PCDHA5: variants seen among roughly 807,000 people sequenced by gnomAD.
PCDHA5 encodes protocadherin alpha 5, also known as protocadherin alpha-5.
Under a neutral mutation model 61.6 loss-of-function variants are expected in PCDHA5, and 43 were observed. The ratio of observed to expected loss-of-function variants is 0.70; its 90% CI spans 0.55 to 0.90. PCDHA5 has a LOEUF of 0.90. Ranked by LOEUF, PCDHA5 falls within the 40% of genes least tolerant of loss-of-function variation. The pLI is 0.00. For synonymous variants in PCDHA5, 627 were observed against 543.9 expected (o/e 1.15, Z -2.13); for missense variants, 1,298 against 1,222.7 (o/e 1.06, Z -0.92).
chr5:140,906,827 G>C (rs2153497509), intron 1 of PCDHA5, among the ~76,000 whole-genome samples: 1 of 152,308 alleles, frequency 6.6e-6, no homozygotes, highest in South Asian at 2.1e-4. Flanking sequence ...TGGAGTAGTA[G>C]ACTGATTTCA....
intron 1 of PCDHA5, chr5:140,875,216 A>G: frequency 1.4e-6 from 1 of 717,612 alleles, no homozygotes. Flanking sequence ...ACCGAAAAGA[A>G]CCTCAGGATC....
chr5:140,969,147 A>G (rs781909774), intron 1 of PCDHA5: 1 of 1,614,172 alleles, frequency 6.2e-7, no homozygotes, highest in Non-Finnish European at 8.5e-7. Flanking sequence ...TACTGCTACA[A>G]GGCCTGTCTG....
chr5:140,973,556 C>A lies in PCDHA5; in HGVS notation c.2353-5393C>A, dbSNP rs993191449. Among the ~76,000 whole-genome samples the A allele has an allele frequency of 3.9e-5, 6 of 152,336 alleles. 1 individual carries two copies. In the South Asian group the frequency reaches 1.2e-3, roughly 32 times the overall value. ...ATACAATAATTTATTTCAATTACCT[C>A]TTTCCTCAATTTTTCTACAGACTGC... On this transcript the variant is annotated intron_variant, in intron 1 of 3. Coordinates refer to ENST00000529859, the MANE Select transcript of PCDHA5 (RefSeq NM_018908.3).
At chr5:140,836,762 C>T (rs2150269461) in intron 1 of PCDHA5, 3 of 1,567,656 alleles carry the variant, frequency 1.9e-6, no homozygotes, top group Non-Finnish European at 2.6e-6. Context: ...AATCTTGTTT[C>T]CAACAATTTT....
Position 140,883,537 on chromosome 5 carries a change from G to A in PCDHA5, c.2352+59410G>A, listed in dbSNP as rs782001309. 3 of 1,614,238 alleles carry A rather than the reference G, an allele frequency of 1.9e-6. No individual in the cohort carries two copies. The African/African-American group carries it at 4.0e-5, about 22-fold the overall frequency. On this transcript the variant is annotated intron_variant, in intron 1 of 3. Transcript: ENST00000529859. ...GCGAGAGCGTATCAGCCTATGAACT[G>A]GTGGTGACCGCGCGGGACGGGGGCT...
At chr5:140,952,750 A>T (rs1240610789) in intron 1 of PCDHA5, among the ~76,000 whole-genome samples, 2 of 152,326 alleles carry the variant, frequency 1.3e-5, no homozygotes, top group Non-Finnish European at 2.9e-5. Context: ...CTGCTATAAA[A>T]ACACCTGAGA....
At chr5:140,967,730 G>A (rs2096176474) in intron 1 of PCDHA5, 1 of 1,614,146 alleles carries the variant, frequency 6.2e-7, no homozygotes, top group Non-Finnish European at 8.5e-7. Context: ...AGTAATTGGG[G>A]GGCTGGATTA....
chr5:140,887,018 G>C (rs965813784), intron 1 of PCDHA5, among the ~76,000 whole-genome samples: 70 of 151,906 alleles, frequency 4.6e-4, no homozygotes, highest in African/African-American at 1.6e-3. Context: ...CCTACTGCCT[G>C]AAAAATTTCT....
chr5:140,836,043 T>A (rs147222848), intron 1 of PCDHA5: 18 of 1,613,268 alleles, frequency 1.1e-5, no homozygotes, highest in Non-Finnish European at 1.5e-5. Flanking sequence ...GCTGCAGGTG[T>A]TCGTGCTGGA....
chr5:140,829,430 G>T, intron 1 of PCDHA5: 1 of 1,614,092 alleles, frequency 6.2e-7, no homozygotes, highest in Non-Finnish European at 8.5e-7. Flanking sequence ...GGAGGTGGCC[G>T]ACATGAATGA....
Position 140,822,688 on chromosome 5 carries a change from G to C in PCDHA5, c.913G>C (p.Gly305Arg). 3.1e-6 allele frequency: 5 copies of C among 1,609,258 alleles called. No individual in the cohort carries two copies. In the South Asian group the frequency reaches 3.3e-5, roughly 11 times the overall value. ...TAATACTGGTGAAATAAAAGTTAAC[G>C]GGGAACTGGATTATGAAGACTATAA... The part of the protein sequence containing the change: ...NSNTGEIKVN[G>R]ELDYEDYNSY... Residue 305 changes from glycine (G) to arginine (R), a missense_variant, in exon 1 of 4, where the codon GGG becomes CGG. Coordinates refer to ENST00000529859, the MANE Select transcript of PCDHA5 (RefSeq NM_018908.3).
At chr5:140,943,139 T>A (rs2093424349) in intron 1 of PCDHA5, among the ~76,000 whole-genome samples, 2 of 151,168 alleles carry the variant, frequency 1.3e-5, no homozygotes, top group Admixed American at 6.6e-5. Context: ...GTGCCTGTAG[T>A]CCCAGCTACT....
chr5:140,873,436 A>G (rs1159512158), intron 1 of PCDHA5, among the ~76,000 whole-genome samples: 1 of 152,214 alleles, frequency 6.6e-6, no homozygotes, highest in Non-Finnish European at 1.5e-5. Flanking sequence ...TTTATATCAC[A>G]TAAATAACAA....
At chr5:140,906,609 T>C (rs376857630) in intron 1 of PCDHA5, among the ~76,000 whole-genome samples, 2 of 152,348 alleles carry the variant, frequency 1.3e-5, no homozygotes, top group East Asian at 3.9e-4. Flanking sequence ...TCATTCTGTA[T>C]TCCCTTTGCC....
intron 1 of PCDHA5, among the ~76,000 whole-genome samples, chr5:140,905,490 T>C (rs1256863992): frequency 1.3e-5 from 2 of 152,224 alleles, no homozygotes; most frequent in African/African-American, 4.8e-5. Context: ...TTTCTTCTTT[T>C]TGTTTTGTAT....
chr5:140,918,925 T>C (rs2078925990), intron 1 of PCDHA5, among the ~76,000 whole-genome samples: 1 of 152,238 alleles, frequency 6.6e-6, no homozygotes, highest in Non-Finnish European at 1.5e-5. Context: ...ACACAGCATA[T>C]GGCATTTTGT....
chr5:140,954,120 C>G (rs246026), intron 1 of PCDHA5, among the ~76,000 whole-genome samples: 85,718 of 152,076 alleles, frequency 0.56, 24,786 homozygotes, highest in African/African-American at 0.69. Flanking sequence ...GATCTTGTTC[C>G]TTTTTATGGA....
rs35680913 is a variant in PCDHA5 at position 140,961,887 on chromosome 5, GT to G, written c.2353-17048del. Among the ~76,000 whole-genome samples, 881 of 143,912 alleles carry G rather than the reference GT, an allele frequency of 6.1e-3. 6 individuals carry two copies. The highest frequency in any genetic ancestry group is 0.018 in the African/African-American group (705 of 39,388). The allele number at this position is 143,912 out of a possible 152,430, so 94.4% of individuals were successfully genotyped here. ...ACAGATAATTGACTTACTTACATCA[GT>G]TTTTTTTTTTTTTGAGATGGAGTCT... On this transcript the variant is annotated intron_variant, in intron 1 of 3. Coordinates refer to ENST00000529859, the MANE Select transcript of PCDHA5 (RefSeq NM_018908.3).
intron 1 of PCDHA5, among the ~76,000 whole-genome samples, chr5:140,873,969 A>T (rs1438036244): frequency 6.6e-6 from 1 of 152,224 alleles, no homozygotes; most frequent in Non-Finnish European, 1.5e-5. Context: ...CCTATTTTTT[A>T]AAATTAAAGT....
Sources: allele counts gnomAD v4.1 joint callset (sites outside exome capture counted in the v4.1 genomes callset), GRCh38; gene constraint gnomAD v4.1.1; transcripts MANE v1.5; gene names NCBI Gene and HGNC (gene_info 2026-07-23, HGNC 2026-07-21).